Variants in ZRANB3 observed in about 807,000 individuals in gnomAD.
The protein encoded by ZRANB3 is DNA annealing helicase and endonuclease ZRANB3.
ZRANB3 carries 125 observed loss-of-function variants against 133.8 expected under a neutral mutation model. The ratio of observed to expected loss-of-function variants is 0.93; its 90% confidence interval spans 0.81 to 1.08. ZRANB3 has a LOEUF of 1.08. ZRANB3 is among the 50% of genes least tolerant of loss of function. The pLI, the probability that ZRANB3 is intolerant of heterozygous loss-of-function variation, is 0.00. For missense variants in ZRANB3, 1,229 were observed against 1,275.5 expected, an observed-to-expected ratio of 0.96 and a Z score of 0.56; for synonymous variants, 387 against 432.7, an observed-to-expected ratio of 0.89 and a Z score of 1.31.
At chr2:135,327,134 A>T (rs1683876473) in intron 6 of ZRANB3, among the ~76,000 whole-genome samples, 3 of 152,084 alleles carry the variant, frequency 2.0e-5, no homozygotes, top group Non-Finnish European at 4.4e-5. Context: ...GTATATGTTA[A>T]TTTTTTCCAT....
chr2:135,403,051 G>C (rs1687814271), intron 2 of ZRANB3, among the ~76,000 whole-genome samples: 1 of 152,144 alleles, frequency 6.6e-6, no homozygotes, highest in Non-Finnish European at 1.5e-5. Context: ...GGTGATTTCT[G>C]CATTTCCAAC....
intron 3 of ZRANB3, among the ~76,000 whole-genome samples, chr2:135,377,824 T>A (rs1686494706): frequency 6.6e-6 from 1 of 152,180 alleles, no homozygotes; most frequent in Admixed American, 6.5e-5. Flanking sequence ...TCTGTGAAGG[T>A]GTTGCCAAAG....
intron 3 of ZRANB3, among the ~76,000 whole-genome samples, chr2:135,379,982 G>C (rs1008408016): frequency 6.6e-6 from 1 of 150,970 alleles, no homozygotes; most frequent in Non-Finnish European, 1.5e-5. Context: ...CAAGCAAATG[G>C]AAAGCAAAAA....
intron 8 of ZRANB3, among the ~76,000 whole-genome samples, chr2:135,311,027 T>C (rs1682943564): frequency 6.6e-6 from 1 of 151,852 alleles, no homozygotes; most frequent in Non-Finnish European, 1.5e-5. Flanking sequence ...TTCTGTTCTC[T>C]GAAAGACAAT....
chr2:135,299,902 G>A (rs1266410049), intron 8 of ZRANB3, among the ~76,000 whole-genome samples: 3 of 152,154 alleles, frequency 2.0e-5, no homozygotes, highest in Non-Finnish European at 2.9e-5. Context: ...GCCTAGAACA[G>A]TGTGTAAGTT....
At chr2:135,402,983 A>G (rs1687809348) in intron 2 of ZRANB3, among the ~76,000 whole-genome samples, 1 of 152,098 alleles carries the variant, frequency 6.6e-6, no homozygotes, top group Admixed American at 6.5e-5. Context: ...TGCAGCCAAG[A>G]TGGCCAAATA....
At chr2:135,510,365 G>T (rs1353142887) in intron 1 of ZRANB3, among the ~76,000 whole-genome samples, 3 of 152,162 alleles carry the variant, frequency 2.0e-5, no homozygotes, top group African/African-American at 7.2e-5. Flanking sequence ...CTAAAGGTCA[G>T]GAAAGGGAAG....
intron 20 of ZRANB3, among the ~76,000 whole-genome samples, chr2:135,200,802 C>T (rs1388760738): frequency 2.9e-5 from 4 of 138,232 alleles, no homozygotes; most frequent in Non-Finnish European, 6.1e-5. Context: ...TTTGCCGAGG[C>T]TGAAGTGAAG....
At chr2:135,381,681 G>A (rs923074215) in intron 3 of ZRANB3, among the ~76,000 whole-genome samples, 5 of 152,164 alleles carry the variant, frequency 3.3e-5, no homozygotes, top group Non-Finnish European at 7.3e-5. Flanking sequence ...AACATTTGCT[G>A]TTCACCAATA....
At chr2:135,210,828 T>C (rs1177237577) in intron 17 of ZRANB3, among the ~76,000 whole-genome samples, 3 of 152,098 alleles carry the variant, frequency 2.0e-5, no homozygotes, top group African/African-American at 7.2e-5. Context: ...AGGGGGAATA[T>C]CTTTTCACAC....
chr2:135,253,844 A>G (rs948766261), intron 12 of ZRANB3, among the ~76,000 whole-genome samples: 2 of 152,212 alleles, frequency 1.3e-5, no homozygotes, highest in African/African-American at 4.8e-5. Context: ...ATTCCCAAGT[A>G]GCACTGCCTC....
intron 8 of ZRANB3, among the ~76,000 whole-genome samples, chr2:135,287,211 T>C (rs1681419619): frequency 6.6e-6 from 1 of 152,230 alleles, no homozygotes; most frequent in Non-Finnish European, 1.5e-5. Flanking sequence ...TTTGCTTTGT[T>C]GAAGATCAGT....
At chr2:135,300,348 CTTCTTA>C (rs1682367321) in intron 8 of ZRANB3, among the ~76,000 whole-genome samples, 1 of 151,910 alleles carries the variant, frequency 6.6e-6, no homozygotes, top group South Asian at 2.1e-4. Context: ...TAAATTTTTC[CTTCTTA>C]TTCTTATGAA....
chr2:135,218,216 C>T (rs1188563642), intron 16 of ZRANB3, among the ~76,000 whole-genome samples: 1 of 152,028 alleles, frequency 6.6e-6, no homozygotes, highest in African/African-American at 2.4e-5. Context: ...CTCATTGAGA[C>T]CAAAAAAGGT....
chr2:135,198,050 C>G lies in ZRANB3; in HGVS notation c.*2292G>C, dbSNP rs987848912. 1 of 152,282 alleles carries G rather than the reference C, an allele frequency of 6.6e-6. No homozygotes were observed. The highest frequency in any genetic ancestry group is 1.5e-5 in the Non-Finnish European group (1 of 68,120). The allele number at this position is 152,282 out of a possible 1,614,324, so 9.4% of individuals were successfully genotyped here. On this transcript the variant is annotated 3_prime_UTR_variant, in exon 21 of 21. Coordinates refer to ENST00000264159, the MANE Select transcript of ZRANB3 (RefSeq NM_032143.4). ...AGAGCCAGGCCTATCCTTTTACACT[C>G]ATTGTACCCACCTGTGTTTTCACTC...
intron 2 of ZRANB3, among the ~76,000 whole-genome samples, chr2:135,496,204 G>A (rs1034336856): frequency 6.6e-6 from 1 of 151,614 alleles, no homozygotes; most frequent in African/African-American, 2.4e-5. Flanking sequence ...CCAACATGGT[G>A]AAACTCCATC....
At chr2:135,406,314 A>T (rs1346434775) in intron 2 of ZRANB3, among the ~76,000 whole-genome samples, 6 of 152,188 alleles carry the variant, frequency 3.9e-5, no homozygotes, top group African/African-American at 4.8e-5. Flanking sequence ...AGGCTCTGAA[A>T]TTGAGGCAAT....
intron 3 of ZRANB3, among the ~76,000 whole-genome samples, chr2:135,374,183 G>C (rs912709085): frequency 3.9e-5 from 6 of 152,126 alleles, no homozygotes; most frequent in Admixed American, 1.3e-4. Flanking sequence ...AAGGTGGGCG[G>C]ATCACCTGAG....
chr2:135,345,006 G>A (rs1241290589), intron 6 of ZRANB3: 1 of 152,336 alleles, frequency 6.6e-6, no homozygotes, highest in Non-Finnish European at 1.5e-5. Context: ...AGAGACAAGA[G>A]TGGAAGAAAC....
Sources: gnomAD v4.1 joint callset for allele counts (sites outside exome capture counted in the v4.1 genomes callset) on GRCh38, gnomAD v4.1.1 for gene constraint, MANE v1.5 for transcripts, NCBI Gene and HGNC (gene_info 2026-07-23, HGNC 2026-07-21) for gene names.